EPAS1: variants seen among roughly 807,000 people sequenced by gnomAD.
EPAS1 encodes the protein endothelial PAS domain protein 1.
Under a neutral mutation model 87.9 loss-of-function variants are expected in EPAS1, and 23 were observed. The ratio of observed to expected loss-of-function variants is 0.26; its 90% confidence interval spans 0.19 to 0.37. EPAS1 has a LOEUF of 0.37. Among genes scored for constraint, EPAS1 ranks in the 10% least tolerant of loss-of-function variants. The probability of loss-of-function intolerance (pLI) is 1.00; values close to 1 mark genes in which losing one functional copy is unlikely to be tolerated. For synonymous variants in EPAS1, 508 were observed against 444.3 expected, an observed-to-expected ratio of 1.14 and a Z score of -1.80; for missense variants, 1,138 against 1,120.7, an observed-to-expected ratio of 1.02 and a Z score of -0.22.
At chr2:46,353,172 G>A (rs1331932684) in intron 2 of EPAS1, among the ~76,000 whole-genome samples, 2 of 152,152 alleles carry the variant, frequency 1.3e-5, no homozygotes, top group East Asian at 1.9e-4. Flanking sequence ...TTGAAGTGGC[G>A]CTGAAAACCT....
intron 1 of EPAS1, among the ~76,000 whole-genome samples, chr2:46,298,919 G>A (rs1682940296): frequency 6.6e-6 from 1 of 152,114 alleles, no homozygotes; most frequent in African/African-American, 2.4e-5. Flanking sequence ...GTCTCCACCC[G>A]TGCGGCCCCA....
chr2:46,368,227 G>C (rs1214143146), intron 6 of EPAS1, among the ~76,000 whole-genome samples: 1 of 152,188 alleles, frequency 6.6e-6, no homozygotes, highest in Non-Finnish European at 1.5e-5. Context: ...TTGTGCTGGA[G>C]GAACTGGAGA....
intron 1 of EPAS1, among the ~76,000 whole-genome samples, chr2:46,344,677 G>C (rs142983927): frequency 1.6e-3 from 247 of 152,346 alleles, no homozygotes; most frequent in African/African-American, 5.6e-3. Flanking sequence ...TGGGGAAAGG[G>C]GGGTGCAGGG....
intron 1 of EPAS1, among the ~76,000 whole-genome samples, chr2:46,310,621 T>C (rs1236059350): frequency 6.6e-6 from 1 of 152,172 alleles, no homozygotes; most frequent in African/African-American, 2.4e-5. Context: ...CAGCTGGGGA[T>C]TTTTCCCTCC....
intron 1 of EPAS1, among the ~76,000 whole-genome samples, chr2:46,310,987 C>T (rs1683199884): frequency 6.6e-6 from 1 of 152,222 alleles, no homozygotes; most frequent in Non-Finnish European, 1.5e-5. Flanking sequence ...CGCCATTCTC[C>T]TGCCTCAGCC....
intron 15 of EPAS1, among the ~76,000 whole-genome samples, chr2:46,383,976 G>A (rs147334566): frequency 6.6e-6 from 1 of 152,320 alleles, no homozygotes; most frequent in Non-Finnish European, 1.5e-5. Flanking sequence ...TCCTCCTTGG[G>A]ATGGGGGCCT....
intron 1 of EPAS1, among the ~76,000 whole-genome samples, chr2:46,299,057 TAG>T (rs780482061): frequency 3.9e-5 from 6 of 152,132 alleles, no homozygotes; most frequent in Non-Finnish European, 7.4e-5. Flanking sequence ...AGCGGCGGTA[TAG>T]AGGTGCGAGG....
intron 1 of EPAS1, among the ~76,000 whole-genome samples, chr2:46,316,272 T>G (rs1683313972): frequency 2.0e-5 from 3 of 152,036 alleles, no homozygotes; most frequent in Admixed American, 6.6e-5. Context: ...TTTTTTTTTC[T>G]TTTTGAGACA....
At chr2:46,302,734 G>GAAAAAAAAA (rs368452487) in intron 1 of EPAS1, among the ~76,000 whole-genome samples, 1 of 119,548 alleles carries the variant, frequency 8.4e-6, no homozygotes, top group Non-Finnish European at 1.7e-5. Flanking sequence ...GTCTGATTAG[G>GAAAAAAAAA]AAAAAAAAAA....
Position 46,377,911 on chromosome 2 carries a change from G to C in EPAS1, c.1267G>C (p.Glu423Gln). The change falls in exon 10 of 16, where the codon GAG (glutamate) becomes CAG (glutamine). Residue 423 changes from glutamate to glutamine, a missense_variant. Transcript: ENST00000263734. ...SLDFGNQNFE[E>Q]SSAYGKAILP... ...CTCCACAGGGAATCAGAACTTCGAG[G>C]AGTCCTCAGCCTATGGCAAGGCCAT... is the stretch of plus-strand genomic sequence containing the variant. 6.4e-7 allele frequency: 1 copy of C among 1,553,054 alleles called. No individual in the cohort carries two copies. The highest frequency in any genetic ancestry group is 8.7e-7 in the Non-Finnish European group (1 of 1,147,698).
intron 6 of EPAS1, among the ~76,000 whole-genome samples, chr2:46,367,294 A>T (rs1312306367): frequency 2.0e-5 from 3 of 152,248 alleles, no homozygotes; most frequent in Non-Finnish European, 4.4e-5. Context: ...GAGAGTAGAA[A>T]GACATCTTTC....
rs764247050 is a variant in EPAS1 at position 46,380,417 on chromosome 2, C to T, written c.1745C>T (p.Pro582Leu). The T allele has an allele frequency of 3.1e-6, 5 of 1,614,174 alleles. No homozygotes were observed. In the South Asian group the frequency reaches 3.3e-5, roughly 11 times the overall value. ...CTGGCCCCTGTAGCCCCGCACAGTC[C>T]CTTCCTCCTGGACAAGTTTCAGCAG... ...QPLAPVAPHS[P>L]FLLDKFQQQL... Residue 582 changes from proline to leucine, a missense_variant, in exon 12 of 16, where the codon CCC becomes CTC. Around this residue, in one of 4 missense-constraint regions of EPAS1, gnomAD observed 502 missense variants for 427.1 expected, o/e 1.18. Transcript: ENST00000263734. The surrounding 1 kb of genome is among the most constrained non-coding windows in gnomAD (Gnocchi z 4.4).
Position 46,356,137 on chromosome 2 carries a change from C to T in EPAS1, c.218-14C>T, listed in dbSNP as rs748828096. 1.3e-5 allele frequency: 17 copies of T among 1,288,998 alleles called. No individual in the cohort carries two copies. Among genetic ancestry groups the T allele is most frequent in the Non-Finnish European group, 1.8e-5 (17 of 924,146 alleles). 79.8% of individuals were successfully genotyped at this position (1,288,998 alleles called of 1,614,324 possible). Reference sequence around the variant, plus strand: ...CACATTCATGCAAGCTGTCCCACCCCCCCCCCTTTCCAGTTTGCTCTGAAA... The same window carrying T: ...CACATTCATGCAAGCTGTCCCACCCTCCCCCCTTTCCAGTTTGCTCTGAAA... On this transcript the variant is annotated splice_polypyrimidine_tract_variant and intron_variant, in intron 2 of 15. Coordinates refer to ENST00000263734, the MANE Select transcript of EPAS1 (RefSeq NM_001430.5).
At chr2:46,322,014 T>A (rs1013210465) in intron 1 of EPAS1, among the ~76,000 whole-genome samples, 12 of 152,130 alleles carry the variant, frequency 7.9e-5, no homozygotes, top group Admixed American at 6.5e-4. Context: ...TCCTGTATAA[T>A]CCCTACTGAT....
intron 1 of EPAS1, among the ~76,000 whole-genome samples, chr2:46,313,728 G>A (rs1683258725): frequency 6.6e-6 from 1 of 152,180 alleles, no homozygotes; most frequent in Non-Finnish European, 1.5e-5. Flanking sequence ...TGGGATTACA[G>A]GCATGAGCCA....
chr2:46,381,894 T>C, intron 13 of EPAS1, 81 bp from the exon 14 acceptor site: 1 of 1,482,716 alleles, frequency 6.7e-7, no homozygotes. Context: ...CCAGCCCTGT[T>C]CCAGGCCCAC....
chr2:46,360,417 G>A lies in EPAS1; in HGVS notation c.455-221G>A, dbSNP rs1209997148. ...ATGATGGAGCAGCTCCTCCCTTGTG[G>A]GAGTTTATGCTCCAGTTGAGGAGAT... On this transcript the variant is annotated intron_variant, in intron 4 of 15. Coordinates refer to ENST00000263734, the MANE Select transcript of EPAS1 (RefSeq NM_001430.5). This position sits in a 1 kb window ranked among gnomAD's most constrained non-coding sequence, Gnocchi z 4.5. 6.6e-6 allele frequency among the ~76,000 whole-genome samples: 1 copy of A among 152,226 alleles called. No individual in the cohort carries two copies. Among genetic ancestry groups the A allele is most frequent in the Non-Finnish European group, 1.5e-5 (1 of 68,042 alleles).
intron 9 of EPAS1, 40 bp downstream of exon 9, chr2:46,376,793 T>C (rs370010749): frequency 2.3e-5 from 37 of 1,602,874 alleles, no homozygotes; most frequent in African/African-American, 4.0e-5. Flanking sequence ...TGGAACCCCG[T>C]TGGGGCTGGG....
intron 1 of EPAS1, among the ~76,000 whole-genome samples, chr2:46,314,502 C>T (rs1410223192): frequency 1.3e-5 from 2 of 152,330 alleles, no homozygotes; most frequent in East Asian, 3.9e-4. Context: ...GTTTGTGTAG[C>T]CTGCTAGACA....
Sources: allele counts gnomAD v4.1 joint callset (sites outside exome capture counted in the v4.1 genomes callset), GRCh38; gene constraint gnomAD v4.1.1; regional missense constraint gnomAD v4.1.1; non-coding constraint Gnocchi (gnomAD v3.1); transcripts MANE v1.5; gene names NCBI Gene and HGNC (gene_info 2026-07-23, HGNC 2026-07-21).